The following CCDC50 variants were observed in gnomAD, a reference collection of about 807,000 sequenced individuals.
CCDC50 encodes coiled-coil domain-containing protein 50.
In CCDC50, 54 loss-of-function variants were observed where a neutral mutation model predicts 70.2. The ratio of observed to expected loss-of-function variants is 0.77; its 90% CI spans 0.62 to 0.96. The LOEUF is 0.96. Among genes scored for constraint, CCDC50 ranks in the 50% least tolerant of loss-of-function variants. CCDC50 has a pLI of 0.00. For synonymous variants in CCDC50, 216 were observed against 198.8 expected, an observed-to-expected ratio of 1.09 and a Z score of -0.73; for missense variants, 558 against 578.7, an observed-to-expected ratio of 0.96 and a Z score of 0.37.
chr3:191,358,544 C>T (rs143513825), intron 3 of CCDC50, among the ~76,000 whole-genome samples: 76 of 152,224 alleles, frequency 5.0e-4, no homozygotes, highest in African/African-American at 1.6e-3. Context: ...CTGTGTTTGC[C>T]GCTCTTACTT....
chr3:191,362,930 G>A (rs1404677982), intron 4 of CCDC50, among the ~76,000 whole-genome samples: 1 of 152,172 alleles, frequency 6.6e-6, no homozygotes, highest in African/African-American at 2.4e-5. Context: ...TTAATGTGTT[G>A]CCTCTTTATA....
Position 191,337,197 on chromosome 3 carries a change from A to G in CCDC50, c.49+7474A>G, listed in dbSNP as rs188768947. 3.2e-4 allele frequency among the ~76,000 whole-genome samples: 49 copies of G among 152,050 alleles called. 1 individual carries two copies. Among genetic ancestry groups the G allele is most frequent in the African/African-American group, 1.1e-3 (44 of 41,474 alleles). ...AAAAAAAAAGATTTGTTTTGGAGCC[A>G]TTTTCAATGAAACTTTTAAAAAACT... is the stretch of plus-strand genomic sequence containing the variant. On this transcript the variant is annotated intron_variant, in intron 1 of 11. Transcript: ENST00000392455.
At chr3:191,333,654 A>G (rs1413166494) in intron 1 of CCDC50, among the ~76,000 whole-genome samples, 1 of 152,188 alleles carries the variant, frequency 6.6e-6, no homozygotes, top group Non-Finnish European at 1.5e-5. Flanking sequence ...TTATGTAATC[A>G]GCAACTATTC....
At chr3:191,361,823 C>G (rs1712498361) in intron 4 of CCDC50, among the ~76,000 whole-genome samples, 1 of 151,724 alleles carries the variant, frequency 6.6e-6, no homozygotes, top group South Asian at 2.1e-4. Flanking sequence ...GGTGTCTGTC[C>G]CTGGGTTGTT....
intron 4 of CCDC50, 130 bp downstream of exon 4, chr3:191,361,289 T>A (rs928525050): frequency 1.4e-6 from 1 of 708,214 alleles, no homozygotes; most frequent in Non-Finnish European, 2.6e-6. Context: ...TTATTTGGGC[T>A]GCATTTTCCT....
At position 191,375,333 on chromosome 3, in the gene CCDC50, G is replaced by T. The variant is rs770755402; in HGVS notation, c.720G>T (p.Thr240=). ...QERPRRPLLP[T]ISGEVFLSTE... ...GGCCTCGGAGACCTCTGCTTCCCAC[G>T]ATCAGTGGTGAAGTGTTTCTGAGCA... The change falls in exon 6 of 12, where the codon ACG becomes ACT. Residue 240 remains threonine (T), a synonymous_variant. Transcript: ENST00000392455. 1 of 1,613,646 alleles carries T rather than the reference G, an allele frequency of 6.2e-7. No homozygotes were observed. Among genetic ancestry groups the T allele is most frequent in the Non-Finnish European group, 8.5e-7 (1 of 1,179,798 alleles).
At position 191,375,120 on chromosome 3, in the gene CCDC50, A is replaced by T; in HGVS notation, c.507A>T (p.Arg169Ser). Residue 169 changes from arginine to serine, a missense_variant, in exon 6 of 12, where the codon AGA (arginine) becomes AGT (serine). Physicochemically the swap from Arg to Ser is moderately radical, Grantham distance 110. Coordinates refer to ENST00000392455, the MANE Select transcript of CCDC50 (RefSeq NM_178335.3). Reference sequence around the variant, plus strand: ...GTTCTGGATTCTCAAGACCTTGTAGACTCCAAAGAGATGGAAAGACTGTGA... The same window carrying T: ...GTTCTGGATTCTCAAGACCTTGTAGTCTCCAAAGAGATGGAAAGACTGTGA... ...ELGSGFSRPC[R>S]LQRDGKTVKH... is the part of the protein sequence containing the mutation. 6.2e-7 allele frequency: 1 copy of T among 1,613,644 alleles called. No individual in the cohort carries two copies. The highest frequency in any genetic ancestry group is 1.1e-5 in the South Asian group (1 of 91,070).
intron 10 of CCDC50, 152 bp downstream of exon 10, chr3:191,382,977 G>C (rs1713371776): frequency 1.6e-6 from 1 of 630,906 alleles, no homozygotes; most frequent in African/African-American, 1.9e-5. Context: ...GTTATTTTTA[G>C]AACTTTATTT....
chr3:191,341,253 A>C (rs1407410132), intron 1 of CCDC50, among the ~76,000 whole-genome samples: 3 of 152,208 alleles, frequency 2.0e-5, no homozygotes, highest in African/African-American at 7.2e-5. Context: ...ATTAACTTTA[A>C]TGAGGCCAAT....
intron 9 of CCDC50, 54 bp from the exon 10 acceptor site, chr3:191,382,692 C>T (rs1713360170): frequency 8.9e-7 from 1 of 1,127,760 alleles, no homozygotes; most frequent in South Asian, 1.2e-5. Flanking sequence ...TTTGATGATT[C>T]TGGATTGTAT....
At position 191,380,238 on chromosome 3, in the gene CCDC50, T is replaced by C. The variant is rs376385256; in HGVS notation, c.1056T>C (p.Ala352=). The C allele has an allele frequency of 4.2e-5, 67 of 1,612,834 alleles. No homozygotes were observed. The highest frequency in any genetic ancestry group is 5.2e-5 in the Non-Finnish European group (61 of 1,179,296). ...ACAGGGATCAGGAATGGTATGATGC[T>C]GAAATTGCCAGAAAACTGCAAGAAG... ...MAHRDQEWYD[A]EIARKLQEEE... Residue 352 remains alanine (A), a synonymous_variant, in exon 7 of 12, where the codon GCT becomes GCC. Transcript: ENST00000392455.
At position 191,380,748 on chromosome 3, in the gene CCDC50, A is replaced by C. The variant is rs1168872711; in HGVS notation, c.1137+17A>C. The C allele has an allele frequency of 9.9e-6, 16 of 1,612,242 alleles. No homozygotes were observed. Among genetic ancestry groups the C allele is most frequent in the Non-Finnish European group, 1.3e-5 (15 of 1,178,924 alleles). On this transcript the variant is annotated intron_variant, in intron 8 of 11. Transcript: ENST00000392455. ...CAAGATGAAGTAAGTTAATGAGTTTAGCTGATATTCTTTGGAAATATCCTA... is the reference window on the plus strand; with the variant it reads ...CAAGATGAAGTAAGTTAATGAGTTTCGCTGATATTCTTTGGAAATATCCTA...
chr3:191,380,296 A>T lies in CCDC50; in HGVS notation c.1092+22A>T, dbSNP rs1378912849. 5 of 1,458,976 alleles carry T rather than the reference A, an allele frequency of 3.4e-6. No homozygotes were observed. The Admixed American group carries it at 8.4e-5, about 25-fold the overall frequency. The allele number at this position is 1,458,976 out of a possible 1,614,324, so 90.4% of individuals were successfully genotyped here. Reference sequence around the variant, plus strand: ...TTTGGTGAGCAAATTTTAAGGCAAAAGTTTAGATATATTGATGGGTATTTT... The same window carrying T: ...TTTGGTGAGCAAATTTTAAGGCAAATGTTTAGATATATTGATGGGTATTTT... On this transcript the variant is annotated intron_variant, in intron 7 of 11. Transcript: ENST00000392455.
At position 191,329,665 on chromosome 3, in the gene CCDC50, C is replaced by G. The variant is rs758593166; in HGVS notation, c.-10C>G. 2 of 1,607,868 alleles carry G rather than the reference C, an allele frequency of 1.2e-6. No individual in the cohort carries two copies. Among genetic ancestry groups the G allele is most frequent in the Non-Finnish European group, 1.7e-6 (2 of 1,177,828 alleles). ...CCGCGTTAAAGGGGCAACCGGGACC[C>G]TGGCCCGGTATGGCTGAAGTCAGCA... On this transcript the variant is annotated 5_prime_UTR_variant, in exon 1 of 12. Transcript: ENST00000392455.
intron 1 of CCDC50, 92 bp from the exon 2 acceptor site, chr3:191,356,996 T>G: frequency 1.3e-6 from 1 of 782,708 alleles, no homozygotes; most frequent in South Asian, 1.5e-5. Context: ...TAGAATTGAT[T>G]TTTTTTAAAG....
At chr3:191,373,280 C>T (rs1035065658) in intron 5 of CCDC50, among the ~76,000 whole-genome samples, 3 of 152,086 alleles carry the variant, frequency 2.0e-5, no homozygotes, top group Non-Finnish European at 2.9e-5. Flanking sequence ...AGATTTAAAG[C>T]TGTCACAGCA....
chr3:191,356,843 A>G (rs922785509), intron 1 of CCDC50, among the ~76,000 whole-genome samples: 21 of 152,222 alleles, frequency 1.4e-4, no homozygotes, highest in Non-Finnish European at 3.1e-4. Context: ...ACCTCAGGCC[A>G]GGGGCCAAGG....
At chr3:191,354,059 A>G (rs776117438) in intron 1 of CCDC50, among the ~76,000 whole-genome samples, 8 of 152,216 alleles carry the variant, frequency 5.3e-5, no homozygotes, top group African/African-American at 1.2e-4. Flanking sequence ...GTGTCAAACC[A>G]TATCTTCATG....
intron 1 of CCDC50, among the ~76,000 whole-genome samples, chr3:191,347,412 C>T (rs58266557): frequency 0.11 from 15,275 of 136,150 alleles, 2,754 homozygotes; most frequent in East Asian, 0.22. Context: ...GCTAGCACCT[C>T]AGCACATACT....
Sources: allele counts gnomAD v4.1 joint callset (sites outside exome capture counted in the v4.1 genomes callset), GRCh38; gene constraint gnomAD v4.1.1; transcripts MANE v1.5; gene names NCBI Gene and HGNC (gene_info 2026-07-23, HGNC 2026-07-21).